ZNF391: variants seen among roughly 807,000 people sequenced by gnomAD.
The protein encoded by ZNF391 is zinc finger protein 391.
For synonymous variants in ZNF391, 126 were observed against 142.1 expected (o/e 0.89, Z 0.80); for missense variants, 375 against 425.5 (o/e 0.88, Z 1.04).
intron 1 of ZNF391, among the ~76,000 whole-genome samples, chr6:27,383,119 C>CA (rs1192207011): frequency 1.9e-4 from 28 of 146,766 alleles, no homozygotes; most frequent in Middle Eastern, 3.4e-3. Flanking sequence ...GACCCTGTCT[C>CA]AAAAAAAAAC....
intron 1 of ZNF391, among the ~76,000 whole-genome samples, chr6:27,377,919 T>C (rs950391197): frequency 2.6e-5 from 4 of 152,196 alleles, no homozygotes; most frequent in African/African-American, 9.6e-5. Flanking sequence ...TATACACATA[T>C]ATGTGTGTGT....
intron 1 of ZNF391, among the ~76,000 whole-genome samples, chr6:27,395,715 CTT>C (rs1554126020): frequency 6.6e-6 from 1 of 152,120 alleles, no homozygotes; most frequent in Non-Finnish European, 1.5e-5. Flanking sequence ...AGTTCTTTCT[CTT>C]GTCAGGATAT....
Position 27,403,442 on chromosome 6 carries a change from T to TCTTAGAAATC in ZNF391, c.*1999_*2008dup, listed in dbSNP as rs1475043239. On this transcript the variant is annotated 3_prime_UTR_variant, in exon 3 of 3. Transcript: ENST00000244576. ...CTGTGACACTTTCAGTCCCCTGCCT[T>TCTTAGAAATC]CTTAGAAATCCTTTGTAGTGATGGT... 1.3e-5 allele frequency: 2 copies of TCTTAGAAATC among 152,218 alleles called. No homozygotes were observed. The highest frequency in any genetic ancestry group is 4.8e-5 in the African/African-American group (2 of 41,458). 9.4% of individuals were successfully genotyped at this position (152,218 alleles called of 1,614,324 possible). A position where few individuals can be genotyped will look rare whatever the true frequency, so the allele number is the denominator to read the frequency against.
At chr6:27,393,303 A>C (rs1761756505) in intron 1 of ZNF391, among the ~76,000 whole-genome samples, 1 of 152,178 alleles carries the variant, frequency 6.6e-6, no homozygotes, top group Non-Finnish European at 1.5e-5. Context: ...GTGATAATGC[A>C]TAAGTTCTCA....
rs1162445195 is a variant in ZNF391 at position 27,400,507 on chromosome 6, T to G, written c.137T>G (p.Val46Gly). Residue 46 changes from valine to glycine, a missense_variant, in exon 3 of 3, where the codon GTG becomes GGG. Val to Gly is a moderately radical substitution (Grantham distance 109, BLOSUM62 -3). Transcript: ENST00000244576. The stretch of plus-strand genomic sequence containing the variant: ...TTTGAGAACACAGTGGTCAGAAAAG[T>G]GTCAGTGACACTCAAAGAAATTTTC... ...SSFENTVVRK[V>G]SVTLKEIFTG... 2.5e-6 allele frequency: 4 copies of G among 1,614,170 alleles called. No homozygotes were observed. The highest frequency in any genetic ancestry group is 3.4e-6 in the Non-Finnish European group (4 of 1,180,022).
At chr6:27,390,751 G>A (rs1761689463) in intron 1 of ZNF391, among the ~76,000 whole-genome samples, 1 of 152,174 alleles carries the variant, frequency 6.6e-6, no homozygotes, top group Non-Finnish European at 1.5e-5. Flanking sequence ...TCATTGATGT[G>A]AGATGAGCAC....
At chr6:27,397,959 A>G (rs73738770) in intron 1 of ZNF391, among the ~76,000 whole-genome samples, 1,748 of 152,270 alleles carry the variant, frequency 0.011, 40 homozygotes, top group African/African-American at 0.04. Flanking sequence ...AGATTCTACA[A>G]TAAGAAATTC....
intron 1 of ZNF391, among the ~76,000 whole-genome samples, chr6:27,397,762 T>A (rs1426855051): frequency 6.6e-6 from 1 of 152,152 alleles, no homozygotes. Context: ...CCCAAGTAGC[T>A]GGGATTACAG....
upstream of ZNF391, among the ~76,000 whole-genome samples, chr6:27,384,272 T>C (rs192519875): frequency 6.3e-3 from 958 of 152,100 alleles, 12 homozygotes; most frequent in African/African-American, 0.019. Context: ...GAGACCAGCC[T>C]GGCCAACATG....
chr6:27,398,825 C>CTCGA lies in ZNF391; in HGVS notation c.-187-616_-187-613dup, dbSNP rs369901417. 2.7e-3 allele frequency among the ~76,000 whole-genome samples: 407 copies of CTCGA among 152,214 alleles called. 2 individuals carry two copies. The highest frequency in any genetic ancestry group is 9.4e-3 in the African/African-American group (391 of 41,534). On this transcript the variant is annotated intron_variant, in intron 1 of 2. Coordinates refer to ENST00000244576, the MANE Select transcript of ZNF391 (RefSeq NM_001076781.3). The stretch of plus-strand genomic sequence containing the variant: ...AGTGAGCCGAGATCGCGCCATTGCA[C>CTCGA]TCGAGCCTGGGCAACAGAGCGAGAC...
intron 2 of ZNF391, among the ~76,000 whole-genome samples, 189 bp from the exon 3 acceptor site, chr6:27,400,104 T>C (rs1035146453): frequency 6.6e-5 from 10 of 152,202 alleles, no homozygotes; most frequent in Admixed American, 2.0e-4. Flanking sequence ...GTGTTCACCA[T>C]GCCCACTGCA....
intron 1 of ZNF391, among the ~76,000 whole-genome samples, chr6:27,391,362 C>T (rs1180974662): frequency 2.0e-5 from 3 of 152,008 alleles, no homozygotes; most frequent in South Asian, 2.1e-4. Flanking sequence ...CCCACCACCA[C>T]GCCCAGCTAA....
chr6:27,390,185 G>T (rs1761673052), intron 1 of ZNF391, among the ~76,000 whole-genome samples: 2 of 152,192 alleles, frequency 1.3e-5, no homozygotes, highest in Non-Finnish European at 2.9e-5. Context: ...CCTTCTGAAG[G>T]GGGTAGAAAA....
At chr6:27,382,793 G>C (rs566664573) in intron 1 of ZNF391, among the ~76,000 whole-genome samples, 1 of 152,310 alleles carries the variant, frequency 6.6e-6, no homozygotes, top group South Asian at 2.1e-4. Context: ...AAGAATCTCT[G>C]ATCTTGCTGT....
In ZNF391 at chr6:27,401,697, G is replaced by A. The variant is rs1382239928; in HGVS notation, c.*250G>A. 3 of 338,562 alleles carry A rather than the reference G, an allele frequency of 8.9e-6. No homozygotes were observed. The highest frequency in any genetic ancestry group is 1.6e-5 in the Non-Finnish European group (3 of 188,190). 21.0% of individuals were successfully genotyped at this position (338,562 alleles called of 1,614,324 possible). The stretch of plus-strand genomic sequence containing the variant: ...TCTTTCTTTCTCTTTTCTCAAATAA[G>A]TTCACAATAAAACAAAGGGATGACT... On this transcript the variant is annotated 3_prime_UTR_variant, in exon 3 of 3. Transcript: ENST00000244576.
intron 1 of ZNF391, among the ~76,000 whole-genome samples, chr6:27,396,392 TG>T (rs1180567492): frequency 6.7e-6 from 1 of 149,114 alleles, no homozygotes; most frequent in Non-Finnish European, 1.5e-5. Flanking sequence ...TTTATTTCCC[TG>T]AAATGGTGAA....
chr6:27,382,008 C>T (rs1445463830), intron 1 of ZNF391, among the ~76,000 whole-genome samples: 1 of 135,386 alleles, frequency 7.4e-6, no homozygotes, highest in Non-Finnish European at 1.5e-5. Context: ...GCACTCCAGC[C>T]TGGGCAACAG....
Position 27,400,532 on chromosome 6 carries a change from C to T in ZNF391, c.162C>T (p.Phe54=). The T allele has an allele frequency of 6.2e-7, 1 of 1,614,200 alleles. No individual in the cohort carries two copies. Among genetic ancestry groups the T allele is most frequent in the African/African-American group, 1.3e-5 (1 of 75,068 alleles). Residue 54 remains phenylalanine (F), a synonymous_variant, in exon 3 of 3, where the codon TTC becomes TTT. Transcript: ENST00000244576. ...RKVSVTLKEI[F]TGEEGPESSE... is the part of the protein sequence containing the mutation. The stretch of plus-strand genomic sequence containing the variant: ...TGTCAGTGACACTCAAAGAAATTTT[C>T]ACAGGGGAGGAAGGCCCTGAATCCA...
intron 1 of ZNF391, among the ~76,000 whole-genome samples, chr6:27,378,968 A>G (rs902686345): frequency 1.3e-5 from 2 of 151,936 alleles, no homozygotes; most frequent in Non-Finnish European, 2.9e-5. Flanking sequence ...CTCTATATTC[A>G]TATGAATCAT....
Sources: gnomAD v4.1 joint callset for allele counts (sites outside exome capture counted in the v4.1 genomes callset) on GRCh38, gnomAD v4.1.1 for gene constraint, MANE v1.5 for transcripts, NCBI Gene and HGNC (gene_info 2026-07-23, HGNC 2026-07-21) for gene names.